The following P2RY8 variants were observed in gnomAD, a reference collection of about 807,000 sequenced individuals.
The protein encoded by P2RY8 is P2Y receptor family member 8.
Under a neutral mutation model 10.0 loss-of-function variants are expected in P2RY8, and 6 were observed. The observed-to-expected ratio is 0.60, with a 90% CI of 0.33 to 1.19. The LOEUF is 1.19. Ranked by LOEUF, P2RY8 falls within the 50% of genes most tolerant of loss-of-function variation. P2RY8 has a pLI of 0.04. For missense variants in P2RY8, 456 were observed against 542.0 expected (o/e 0.84, Z 1.58); for synonymous variants, 276 against 252.5 (o/e 1.09, Z -0.88).
chrX:1,516,752 T>C lies in P2RY8; in HGVS notation c.-25+20169A>G, dbSNP rs779311629. Reference sequence around the variant, plus strand: ...GCAGCCTGAAATGGACGAGAACATCTCATAAGAAGAGGAGATGAGGACACA... The same window carrying C: ...GCAGCCTGAAATGGACGAGAACATCCCATAAGAAGAGGAGATGAGGACACA... On this transcript the variant is annotated intron_variant, in intron 1 of 1. Coordinates refer to ENST00000381297, the MANE Select transcript of P2RY8 (RefSeq NM_178129.5). 2.2e-3 allele frequency among the ~76,000 whole-genome samples: 340 copies of C among 151,166 alleles called. 1 individual carries two copies. The highest frequency in any genetic ancestry group is 7.5e-3 in the African/African-American group (309 of 41,086).
At chrX:1,504,084 G>A (rs373602948) in intron 1 of P2RY8, among the ~76,000 whole-genome samples, 1 of 152,078 alleles carries the variant, frequency 6.6e-6, no homozygotes, top group East Asian at 1.9e-4. Context: ...TTGGGAGGCC[G>A]AGGCGGGCGG....
chrX:1,467,156 G>A (rs1277054760), intron 1 of P2RY8, among the ~76,000 whole-genome samples: 3 of 152,050 alleles, frequency 2.0e-5, no homozygotes, highest in Admixed American at 1.3e-4. Context: ...CATCTCAGGG[G>A]CATCCACCCA....
At chrX:1,507,849 G>T (rs1386039150) in intron 1 of P2RY8, among the ~76,000 whole-genome samples, 2 of 152,106 alleles carry the variant, frequency 1.3e-5, no homozygotes, top group South Asian at 2.1e-4. Flanking sequence ...TGGCATGGCC[G>T]TGGTCAGACC....
intron 1 of P2RY8, among the ~76,000 whole-genome samples, chrX:1,496,539 C>T (rs1477457304): frequency 1.9e-4 from 29 of 152,062 alleles, no homozygotes; most frequent in Non-Finnish European, 8.8e-5. Context: ...TTCTTGGAGC[C>T]TCTGTCCTCT....
At chrX:1,509,796 C>CTATCAT (rs1556682883) in intron 1 of P2RY8, among the ~76,000 whole-genome samples, 45 of 105,104 alleles carry the variant, frequency 4.3e-4, no homozygotes, top group Non-Finnish European at 7.7e-4. Flanking sequence ...ATGTATCCAT[C>CTATCAT]CTATCTATCT....
intron 1 of P2RY8, among the ~76,000 whole-genome samples, chrX:1,521,757 G>A (rs1335822980): frequency 6.6e-6 from 1 of 150,588 alleles, no homozygotes; most frequent in East Asian, 1.9e-4. Flanking sequence ...GGTATTTGGT[G>A]GTATTTGGTG....
intron 1 of P2RY8, among the ~76,000 whole-genome samples, chrX:1,471,846 C>T (rs2091791246): frequency 6.6e-6 from 1 of 152,190 alleles, no homozygotes; most frequent in Admixed American, 6.6e-5. Context: ...AACCACCCCT[C>T]TTTCCTGAGT....
In P2RY8 at chrX:1,466,562, G is replaced by A. The variant is rs773895319; in HGVS notation, c.-4C>T. The A allele has an allele frequency of 6.2e-7, 1 of 1,602,654 alleles. No homozygotes were observed. The highest frequency in any genetic ancestry group is 2.2e-5 in the East Asian group (1 of 44,820). Reference sequence around the variant, plus strand: ...CGGTGCTGTTCGGGACCTGCATCCTGGAGGGGTCCTCGCCCGGGCTCTGCA... The same window carrying A: ...CGGTGCTGTTCGGGACCTGCATCCTAGAGGGGTCCTCGCCCGGGCTCTGCA... On this transcript the variant is annotated 5_prime_UTR_variant, in exon 2 of 2. Coordinates refer to ENST00000381297, the MANE Select transcript of P2RY8 (RefSeq NM_178129.5).
At chrX:1,536,556 C>T (rs1482280414) in intron 1 of P2RY8, among the ~76,000 whole-genome samples, 2 of 151,910 alleles carry the variant, frequency 1.3e-5, no homozygotes, top group African/African-American at 4.8e-5. Context: ...GCCACCACGC[C>T]TGGCTAATTT....
At position 1,463,905 on chromosome X, in the gene P2RY8, A is replaced by G. The variant is rs2091624319; in HGVS notation, c.*1574T>C. 1 of 233,296 alleles carries G rather than the reference A, an allele frequency of 4.3e-6. No homozygotes were observed. Among genetic ancestry groups the G allele is most frequent in the Admixed American group, 5.6e-5 (1 of 17,796 alleles). The allele number at this position is 233,296 out of a possible 1,614,324, so 14.5% of individuals were successfully genotyped here. A position where few individuals can be genotyped will look rare whatever the true frequency, so the allele number is the denominator to read the frequency against. On this transcript the variant is annotated 3_prime_UTR_variant, in exon 2 of 2. Transcript: ENST00000381297. Reference sequence around the variant, plus strand: ...ATGCAGTATGGCCTCGCCTTACTTAATTACATTTGGAAAGACCCGATTTTC... The same window carrying G: ...ATGCAGTATGGCCTCGCCTTACTTAGTTACATTTGGAAAGACCCGATTTTC...
chrX:1,486,066 A>G, intron 1 of P2RY8, among the ~76,000 whole-genome samples: 1 of 152,100 alleles, frequency 6.6e-6, no homozygotes, highest in East Asian at 1.9e-4. Context: ...TAAAAATACA[A>G]AATTATCTGG....
chrX:1,530,637 A>G (rs753993128), intron 1 of P2RY8, among the ~76,000 whole-genome samples: 1 of 150,512 alleles, frequency 6.6e-6, no homozygotes, highest in African/African-American at 2.4e-5. Context: ...TATCCTATCT[A>G]TCTATCTCTC....
intron 1 of P2RY8, among the ~76,000 whole-genome samples, chrX:1,533,815 T>C (rs2092501627): frequency 1.6e-5 from 2 of 121,774 alleles, no homozygotes; most frequent in Admixed American, 9.3e-5. Context: ...TATTATTTAT[T>C]ATTTATATAT....
chrX:1,493,075 C>T (rs1243740558), intron 1 of P2RY8, among the ~76,000 whole-genome samples: 25 of 151,078 alleles, frequency 1.7e-4, no homozygotes, highest in Admixed American at 6.6e-5. Flanking sequence ...ATCATGAGGT[C>T]GGGAGTTCGA....
intron 1 of P2RY8, among the ~76,000 whole-genome samples, chrX:1,470,838 T>A (rs1273639646): frequency 9.1e-6 from 1 of 109,742 alleles, no homozygotes; most frequent in African/African-American, 5.8e-5. Context: ...TTCTTTCTGA[T>A]TTTTTTTTTT....
intron 1 of P2RY8, among the ~76,000 whole-genome samples, chrX:1,485,467 G>A (rs1163042509): frequency 6.6e-6 from 1 of 151,470 alleles, no homozygotes; most frequent in East Asian, 1.9e-4. Flanking sequence ...GTAAATTATG[G>A]GTAAATGTGT....
At chrX:1,482,569 G>T (rs2091947360) in intron 1 of P2RY8, among the ~76,000 whole-genome samples, 1 of 152,060 alleles carries the variant, frequency 6.6e-6, no homozygotes, top group Admixed American at 6.6e-5. Context: ...TGTCCTGAAT[G>T]GTAGTGCCTA....
At chrX:1,474,343 GTGGATGGA>G (rs779596494) in intron 1 of P2RY8, among the ~76,000 whole-genome samples, 2 of 120,940 alleles carry the variant, frequency 1.7e-5, no homozygotes, top group East Asian at 5.0e-4. Flanking sequence ...GTATGGGTGT[GTGGATGGA>G]TGGATGGATG....
chrX:1,465,681 TAAAC>T lies in P2RY8; in HGVS notation c.874_877del (p.Val292IlefsTer172), dbSNP rs1433915739. 1 of 1,613,632 alleles carries T rather than the reference TAAAC, an allele frequency of 6.2e-7. No individual in the cohort carries two copies. The highest frequency in any genetic ancestry group is 8.5e-7 in the Non-Finnish European group (1 of 1,179,826). On this transcript the variant is annotated frameshift_variant, in exon 2 of 2. Coordinates refer to ENST00000381297, the MANE Select transcript of P2RY8 (RefSeq NM_178129.5). LOFTEE classifies it high-confidence loss of function. The stretch of plus-strand genomic sequence containing the variant: ...CTGGAATTCCCGGGACGCAAAGTAA[TAAAC>T]AAACGGGTCCAGACAGTTGTTGAGG...
Sources: gnomAD v4.1 joint callset for allele counts (sites outside exome capture counted in the v4.1 genomes callset) on GRCh38, gnomAD v4.1.1 for gene constraint, MANE v1.5 for transcripts, NCBI Gene and HGNC (gene_info 2026-07-23, HGNC 2026-07-21) for gene names.